The following ACTR1A variants were observed in gnomAD, a reference collection of about 807,000 sequenced individuals.
ACTR1A encodes alpha-centractin.
A neutral mutation model predicts 50.7 loss-of-function variants in ACTR1A; 10 were observed. That is an observed-to-expected ratio of 0.20 (90% confidence interval 0.12 to 0.33). The LOEUF (loss-of-function observed/expected upper bound fraction) is 0.33, where lower values mean the gene tolerates loss of function less well. ACTR1A is among the 10% of genes least tolerant of loss of function. The pLI is 1.00. For synonymous variants in ACTR1A, 177 were observed against 184.2 expected, an observed-to-expected ratio of 0.96 and a Z score of 0.32; for missense variants, 253 against 491.7, an observed-to-expected ratio of 0.51 and a Z score of 4.59.
intron 1 of ACTR1A, among the ~76,000 whole-genome samples, chr10:102,493,502 G>A (rs1163071624): frequency 1.3e-5 from 2 of 152,198 alleles, no homozygotes; most frequent in South Asian, 2.1e-4. Context: ...AGATTATGAA[G>A]TCAGATTTGT....
At chr10:102,485,585 C>A in intron 5 of ACTR1A, 24 bp downstream of exon 5, 1 of 1,612,288 alleles carries the variant, frequency 6.2e-7, no homozygotes, top group Non-Finnish European at 8.5e-7. Context: ...CCCGCAGGGG[C>A]CGGGCTAGCC....
At chr10:102,501,576 A>T (rs1457329702) in intron 1 of ACTR1A, among the ~76,000 whole-genome samples, 1 of 152,156 alleles carries the variant, frequency 6.6e-6, no homozygotes, top group African/African-American at 2.4e-5. Context: ...CAGTATTTAG[A>T]TTCTTTCTAT....
intron 1 of ACTR1A, among the ~76,000 whole-genome samples, chr10:102,495,755 A>ATTTTT (rs79530206): frequency 5.0e-5 from 5 of 99,568 alleles, no homozygotes; most frequent in Non-Finnish European, 7.8e-5. Flanking sequence ...TAAATACACA[A>ATTTTT]TTTTTTTTTT....
intron 4 of ACTR1A, among the ~76,000 whole-genome samples, chr10:102,486,952 A>ATT (rs61362296): frequency 6.2e-5 from 9 of 145,888 alleles, no homozygotes; most frequent in Non-Finnish European, 1.2e-4. Context: ...GTACCCGGCT[A>ATT]TTTTTTTTTT....
chr10:102,498,052 A>C (rs715439), intron 1 of ACTR1A, among the ~76,000 whole-genome samples: 53,131 of 151,156 alleles, frequency 0.35, 9,507 homozygotes, highest in African/African-American at 0.39. Context: ...GATTGTGCCA[A>C]TGAGCCCCAA....
chr10:102,493,144 T>C lies in ACTR1A; in HGVS notation c.49-2531A>G, dbSNP rs527559334. Among the ~76,000 whole-genome samples the C allele has an allele frequency of 2.6e-5, 4 of 152,158 alleles. No homozygotes were observed. In the South Asian group the frequency reaches 8.3e-4, roughly 32 times the overall value. ...AAACAGAAGACAATGTGCAAACTCA[T>C]TGGACTGGGCAGTACAACAAGGAGC... On this transcript the variant is annotated intron_variant, in intron 1 of 10. Transcript: ENST00000369905.
At chr10:102,481,077 G>T in intron 10 of ACTR1A, 55 bp downstream of exon 10, 1 of 1,593,614 alleles carries the variant, frequency 6.3e-7, no homozygotes, top group Non-Finnish European at 8.6e-7. Context: ...GGTGCTGAGG[G>T]GTTATCAGTG....
chr10:102,493,571 C>A (rs1363092742), intron 1 of ACTR1A, among the ~76,000 whole-genome samples: 1 of 152,228 alleles, frequency 6.6e-6, no homozygotes, highest in Non-Finnish European at 1.5e-5. Context: ...AATATCATCA[C>A]CTTCCTCCTG....
chr10:102,489,084 G>A lies in ACTR1A; in HGVS notation c.168C>T (p.Ile56=), dbSNP rs1222752733. The A allele has an allele frequency of 1.3e-6, 2 of 1,588,344 alleles. No individual in the cohort carries two copies. The highest frequency in any genetic ancestry group is 2.7e-5 in the African/African-American group (2 of 73,388). The change falls in exon 3 of 11, where the codon ATC becomes ATT. Residue 56 remains isoleucine (I), a synonymous_variant. Transcript: ENST00000369905. ...TTACCTCAGCTTTGGGGCCAATGAA[G>A]ATGTCGCCTTCAAGGGCTCCTGCCA... is the stretch of plus-strand genomic sequence containing the variant. ...RVMAGALEGD[I]FIGPKAEEHR...
At chr10:102,489,480 A>G (rs374958490) in intron 2 of ACTR1A, among the ~76,000 whole-genome samples, 2 of 152,220 alleles carry the variant, frequency 1.3e-5, no homozygotes, top group South Asian at 2.1e-4. Flanking sequence ...AACTCAAAAC[A>G]TTTTAGTGTC....
Position 102,481,918 on chromosome 10 carries a change from A to G in ACTR1A, c.926-20T>C, listed in dbSNP as rs1261442336. 1.2e-6 allele frequency: 2 copies of G among 1,613,210 alleles called. No individual in the cohort carries two copies. Among genetic ancestry groups the G allele is most frequent in the Admixed American group, 1.7e-5 (1 of 60,010 alleles). ...CAAAACCTGAATGGGCAAAGAGGAG[A>G]ACTTCAAGTCAATTCTCAGGGTGCC... On this transcript the variant is annotated intron_variant, in intron 8 of 10. Coordinates refer to ENST00000369905, the MANE Select transcript of ACTR1A (RefSeq NM_005736.4).
chr10:102,479,772 A>G lies in ACTR1A; in HGVS notation c.*1091T>C. ...CAGTCTTAAGGGCACTGGCTCTCCA[A>G]CACCCCTCCCTTGCTTAGGGGCCTC... On this transcript the variant is annotated 3_prime_UTR_variant, in exon 11 of 11. Coordinates refer to ENST00000369905, the MANE Select transcript of ACTR1A (RefSeq NM_005736.4). The surrounding 1 kb of genome is among the most constrained non-coding windows in gnomAD (Gnocchi z 4.0). The G allele has an allele frequency of 1.0e-6, 1 of 981,990 alleles. No homozygotes were observed. Among genetic ancestry groups the G allele is most frequent in the Non-Finnish European group, 1.4e-6 (1 of 734,344 alleles). The allele number at this position is 981,990 out of a possible 1,614,324, so 60.8% of individuals were successfully genotyped here.
In ACTR1A at chr10:102,488,302, C is replaced by A. The variant is rs780124880; in HGVS notation, c.190-27G>T. 4.4e-5 allele frequency: 71 copies of A among 1,607,564 alleles called. No individual in the cohort carries two copies. Among genetic ancestry groups the A allele is most frequent in the Non-Finnish European group, 6.0e-5 (70 of 1,174,500 alleles). On this transcript the variant is annotated intron_variant, in intron 3 of 10. Coordinates refer to ENST00000369905, the MANE Select transcript of ACTR1A (RefSeq NM_005736.4). The surrounding 1 kb of genome is among the most constrained non-coding windows in gnomAD (Gnocchi z 4.4). ...TGGGAAAAGAGAACAGGACTTACGA[C>A]TGCAGTCAGGCTCCACCCAGGACCC...
chr10:102,482,675 G>A lies in ACTR1A; in HGVS notation c.750+336C>T, dbSNP rs1007805105. ...AGCTCTGCTGCTCCAGAGAGAGGGT[G>A]TAAGGCTGGGGTGTCCAGTCTTTTG... On this transcript the variant is annotated intron_variant, in intron 7 of 10. Coordinates refer to ENST00000369905, the MANE Select transcript of ACTR1A (RefSeq NM_005736.4). The surrounding 1 kb of genome is among the most constrained non-coding windows in gnomAD (Gnocchi z 5.6). 4.3e-5 allele frequency: 14 copies of A among 322,572 alleles called. No homozygotes were observed. The South Asian group carries it at 4.6e-4, about 11-fold the overall frequency. 20.0% of individuals were successfully genotyped at this position (322,572 alleles called of 1,614,324 possible).
chr10:102,502,281 A>C (rs1245765181), intron 1 of ACTR1A, among the ~76,000 whole-genome samples: 1 of 151,982 alleles, frequency 6.6e-6, no homozygotes, highest in Non-Finnish European at 1.5e-5. Flanking sequence ...CAACCAATAG[A>C]GCGATCGGAA....
At chr10:102,491,967 C>T (rs545641974) in intron 1 of ACTR1A, among the ~76,000 whole-genome samples, 2 of 138,644 alleles carry the variant, frequency 1.4e-5, no homozygotes, top group East Asian at 4.2e-4. Flanking sequence ...GACAGGGTTT[C>T]ACCGTGTTAG....
In ACTR1A at chr10:102,489,080, T is replaced by C; in HGVS notation, c.172A>G (p.Ile58Val). The change falls in exon 3 of 11, where the codon ATT becomes GTT. Residue 58 changes from isoleucine to valine, a missense_variant. Coordinates refer to ENST00000369905, the MANE Select transcript of ACTR1A (RefSeq NM_005736.4). ...GGAATTACCTCAGCTTTGGGGCCAA[T>C]GAAGATGTCGCCTTCAAGGGCTCCT... ...MAGALEGDIF[I>V]GPKAEEHRGL... 1.3e-6 allele frequency: 2 copies of C among 1,585,980 alleles called. No individual in the cohort carries two copies. The highest frequency in any genetic ancestry group is 2.4e-5 in the East Asian group (1 of 42,200).
chr10:102,480,134 G>A lies in ACTR1A; in HGVS notation c.*729C>T, dbSNP rs1199983428. ...ATTGCAACAAGAACAGATGGAAAGC[G>A]AGGTCCTGGAACCAGCAGGTGCCTT... On this transcript the variant is annotated 3_prime_UTR_variant, in exon 11 of 11. Transcript: ENST00000369905. The A allele has an allele frequency of 2.5e-5, 4 of 159,066 alleles. No individual in the cohort carries two copies. The highest frequency in any genetic ancestry group is 1.9e-4 in the East Asian group (1 of 5,404). 9.9% of individuals were successfully genotyped at this position (159,066 alleles called of 1,614,324 possible). A position where few individuals can be genotyped will look rare whatever the true frequency, so the allele number is the denominator to read the frequency against.
chr10:102,487,423 A>G (rs1467319222), intron 4 of ACTR1A, among the ~76,000 whole-genome samples: 1 of 151,850 alleles, frequency 6.6e-6, no homozygotes, highest in Non-Finnish European at 1.5e-5. Flanking sequence ...ACACACACAC[A>G]CACAAAATTA....
Sources: gnomAD v4.1 joint callset for allele counts (sites outside exome capture counted in the v4.1 genomes callset) on GRCh38, gnomAD v4.1.1 for gene constraint, Gnocchi (gnomAD v3.1) non-coding constraint, MANE v1.5 for transcripts, NCBI Gene and HGNC (gene_info 2026-07-23, HGNC 2026-07-21) for gene names.